HERC6: variants seen among roughly 807,000 people sequenced by gnomAD.
HERC6 encodes the protein probable E3 ubiquitin-protein ligase HERC6.
Under a neutral mutation model 114.5 loss-of-function variants are expected in HERC6, and 101 were observed. The ratio of observed to expected loss-of-function variants is 0.88; its 90% CI spans 0.75 to 1.04. The LOEUF (loss-of-function observed/expected upper bound fraction) is 1.04. Ranked by LOEUF, HERC6 falls within the 50% of genes least tolerant of loss-of-function variation. The pLI is 0.00. For missense variants in HERC6, 1,133 were observed against 1,230.9 expected, an observed-to-expected ratio of 0.92 and a Z score of 1.19; for synonymous variants, 408 against 436.2, an observed-to-expected ratio of 0.94 and a Z score of 0.81.
At chr4:88,379,918 AAT>A (rs1219651160) in intron 1 of HERC6, among the ~76,000 whole-genome samples, 2 of 17,136 alleles carry the variant, frequency 1.2e-4, no homozygotes, top group Non-Finnish European at 1.7e-4. Context: ...ATAATATATA[AAT>A]ATATATAATA....
rs752069415 is a variant in HERC6, at chr4:88,396,997, C to G, written c.1024+10C>G. On this transcript the variant is annotated intron_variant, in intron 7 of 22. Coordinates refer to ENST00000264346, the MANE Select transcript of HERC6 (RefSeq NM_017912.4). ...CTGATTTCTGCTGAAGGTGTGAATC[C>G]CACTAATTCATGATTTTGTGTTCAT... The G allele has an allele frequency of 3.7e-6, 6 of 1,604,606 alleles. No individual in the cohort carries two copies. In the East Asian group the frequency reaches 8.9e-5, roughly 24 times the overall value.
At chr4:88,426,202 C>G (rs1398504884) in intron 15 of HERC6, among the ~76,000 whole-genome samples, 2 of 152,062 alleles carry the variant, frequency 1.3e-5, no homozygotes, top group African/African-American at 2.4e-5. Flanking sequence ...GAGTTTTGCT[C>G]TTGTTGCCCA....
intron 12 of HERC6, 69 bp downstream of exon 12, chr4:88,413,335 AT>A (rs1736241554): frequency 2.7e-6 from 3 of 1,131,650 alleles, no homozygotes; most frequent in Non-Finnish European, 3.8e-6. Flanking sequence ...GTTGTAGCAA[AT>A]TTTGAATAGA....
chr4:88,415,675 A>G (rs1019522042), intron 12 of HERC6, among the ~76,000 whole-genome samples: 22 of 152,216 alleles, frequency 1.4e-4, no homozygotes, highest in Non-Finnish European at 1.3e-4. Flanking sequence ...TCTTATTAAG[A>G]GTGAGATTGT....
At chr4:88,410,262 G>A (rs901561061) in intron 11 of HERC6, among the ~76,000 whole-genome samples, 36 of 152,112 alleles carry the variant, frequency 2.4e-4, no homozygotes, top group Admixed American at 6.6e-5. Flanking sequence ...CTGGAAAGGC[G>A]GGACAACTCA....
chr4:88,392,831 T>A (rs1250792099), intron 4 of HERC6, among the ~76,000 whole-genome samples: 2 of 152,246 alleles, frequency 1.3e-5, no homozygotes, highest in Non-Finnish European at 2.9e-5. Flanking sequence ...CTTCTAGCAA[T>A]GGCCAGTACA....
chr4:88,435,918 A>C, intron 18 of HERC6, 27 bp downstream of exon 18: 1 of 1,541,806 alleles, frequency 6.5e-7, no homozygotes, highest in Non-Finnish European at 8.8e-7. Flanking sequence ...TTTTTTCAGG[A>C]CCGTATCTAG....
chr4:88,413,065 T>C lies in HERC6; in HGVS notation c.1369-12T>C. On this transcript the variant is annotated splice_polypyrimidine_tract_variant and intron_variant, in intron 11 of 22. Coordinates refer to ENST00000264346, the MANE Select transcript of HERC6 (RefSeq NM_017912.4). ...ATCCTGGGTCTGTTCCCTGATCCTA[T>C]TTTTACCACAGATAACTACGTGTCT... The C allele has an allele frequency of 1.3e-6, 2 of 1,593,076 alleles. No homozygotes were observed. Among genetic ancestry groups the C allele is most frequent in the Non-Finnish European group, 1.7e-6 (2 of 1,170,266 alleles).
Position 88,385,473 on chromosome 4 carries a change from T to C in HERC6, c.360-26T>C, listed in dbSNP as rs1413473549. 3 of 1,129,144 alleles carry C rather than the reference T, an allele frequency of 2.7e-6. No homozygotes were observed. The Admixed American group carries it at 7.8e-5, about 29-fold the overall frequency. 69.9% of individuals were successfully genotyped at this position (1,129,144 alleles called of 1,614,324 possible). ...ACAACTCGCTCTAAATAAGGATTAATCAATTTTGTATTATTTGTATTATAG... is the reference window on the plus strand; with the variant it reads ...ACAACTCGCTCTAAATAAGGATTAACCAATTTTGTATTATTTGTATTATAG... On this transcript the variant is annotated intron_variant, in intron 2 of 22. Transcript: ENST00000264346.
chr4:88,388,186 A>T (rs1734690117), intron 3 of HERC6, among the ~76,000 whole-genome samples: 1 of 152,006 alleles, frequency 6.6e-6, no homozygotes, highest in South Asian at 2.1e-4. Flanking sequence ...TAATCCCAGC[A>T]CTCTGGAAGG....
intron 10 of HERC6, among the ~76,000 whole-genome samples, chr4:88,407,048 C>T (rs60690866): frequency 0.01 from 1,526 of 146,762 alleles, 25 homozygotes; most frequent in African/African-American, 0.034. Flanking sequence ...CATGAGCCAC[C>T]GCGCCCAGCC....
At chr4:88,383,052 A>T in intron 1 of HERC6, 169 bp from the exon 2 acceptor site, 1 of 732,654 alleles carries the variant, frequency 1.4e-6, no homozygotes, top group Non-Finnish European at 2.2e-6. Context: ...CATTGAATTT[A>T]CTTCCTTCAG....
chr4:88,394,298 T>C (rs1033437213), intron 5 of HERC6, among the ~76,000 whole-genome samples: 6 of 151,172 alleles, frequency 4.0e-5, no homozygotes, highest in South Asian at 2.1e-4. Context: ...CATAGTGAAA[T>C]CCCATCTCTA....
At chr4:88,381,434 C>T (rs964954664) in intron 1 of HERC6, among the ~76,000 whole-genome samples, 8 of 151,906 alleles carry the variant, frequency 5.3e-5, no homozygotes, top group African/African-American at 1.7e-4. Context: ...ATGATGAACT[C>T]AGGGAAAGTG....
intron 2 of HERC6, among the ~76,000 whole-genome samples, chr4:88,384,481 G>A (rs1050681813): frequency 6.6e-6 from 1 of 152,148 alleles, no homozygotes; most frequent in African/African-American, 2.4e-5. Context: ...GGACAGATAT[G>A]ACAAGTAGTT....
In HERC6 at chr4:88,395,887, C is replaced by T. The variant is rs1382356341; in HGVS notation, c.760-128C>T. On this transcript the variant is annotated intron_variant, in intron 5 of 22. Transcript: ENST00000264346. ...CACTATTAGAAAAAATAAAGGATCT[C>T]TCCTATTTATGTAGAGCTTGTGTTT... 5 of 723,856 alleles carry T rather than the reference C, an allele frequency of 6.9e-6. No individual in the cohort carries two copies. The African/African-American group carries it at 9.1e-5, about 13-fold the overall frequency. 44.8% of individuals were successfully genotyped at this position (723,856 alleles called of 1,614,324 possible).
rs1317337153 is a variant in HERC6, at chr4:88,408,519, C to T, written c.1275-5C>T. The stretch of plus-strand genomic sequence containing the variant: ...TGTGGTTTCTTGCATTTCTTGTATC[C>T]AAAGAGGAACTGGAGAAACGACTTC... On this transcript the variant is annotated splice_polypyrimidine_tract_variant and splice_region_variant and intron_variant, in intron 10 of 22. Coordinates refer to ENST00000264346, the MANE Select transcript of HERC6 (RefSeq NM_017912.4). 1.3e-6 allele frequency: 2 copies of T among 1,574,142 alleles called. No homozygotes were observed. The highest frequency in any genetic ancestry group is 1.7e-6 in the Non-Finnish European group (2 of 1,152,166).
At chr4:88,379,309 G>T (rs1734038593) in intron 1 of HERC6, among the ~76,000 whole-genome samples, 189 bp downstream of exon 1, 1 of 152,238 alleles carries the variant, frequency 6.6e-6, no homozygotes, top group East Asian at 1.9e-4. Flanking sequence ...GGGAGCCTTG[G>T]ATTCCTCGGG....
intron 17 of HERC6, among the ~76,000 whole-genome samples, chr4:88,434,765 CA>C (rs761784879): frequency 3.6e-3 from 374 of 103,246 alleles, no homozygotes; most frequent in African/African-American, 7.0e-3. Context: ...AAAACAGAGA[CA>C]AAAAAAAAAA....
Sources: gnomAD v4.1 joint callset for allele counts (sites outside exome capture counted in the v4.1 genomes callset) on GRCh38, gnomAD v4.1.1 for gene constraint, MANE v1.5 for transcripts, NCBI Gene and HGNC (gene_info 2026-07-23, HGNC 2026-07-21) for gene names.